The following SVOPL variants were observed in gnomAD, a reference collection of about 807,000 sequenced individuals.
SVOPL encodes putative transporter SVOPL.
SVOPL carries 60 observed loss-of-function variants against 61.0 expected under a neutral mutation model. The observed-to-expected ratio is 0.98, with a 90% CI of 0.80 to 1.22. The LOEUF (loss-of-function observed/expected upper bound fraction) is 1.22. Ranked by LOEUF, SVOPL falls within the 50% of genes most tolerant of loss-of-function variation. The probability of loss-of-function intolerance (pLI) is 0.00; values close to 1 mark genes in which losing one functional copy is unlikely to be tolerated. For synonymous variants in SVOPL, 279 were observed against 250.0 expected, an observed-to-expected ratio of 1.12 and a Z score of -1.09; for missense variants, 662 against 643.9, an observed-to-expected ratio of 1.03 and a Z score of -0.30.
chr7:138,604,262 T>A, intron 14 of SVOPL, among the ~76,000 whole-genome samples: 1 of 152,168 alleles, frequency 6.6e-6, no homozygotes, highest in East Asian at 1.9e-4. Flanking sequence ...CCATGCCTGG[T>A]CAACAGCCTT....
intron 14 of SVOPL, among the ~76,000 whole-genome samples, chr7:138,608,645 T>C (rs1798861025): frequency 6.6e-6 from 1 of 152,104 alleles, no homozygotes; most frequent in African/African-American, 2.4e-5. Flanking sequence ...ATGTACGATG[T>C]GGGCACTTCC....
Position 138,594,558 on chromosome 7 carries a change from T to A in SVOPL, c.*52A>T, listed in dbSNP as rs1798201938. ...AAGTTTTAAAAAAATGCACCGCAGT[T>A]CTGAAGATAGAATTCATTTTTCTCA... On this transcript the variant is annotated 3_prime_UTR_variant, in exon 16 of 16. Coordinates refer to ENST00000674285, the MANE Select transcript of SVOPL (RefSeq NM_001139456.2). 3.2e-6 allele frequency: 5 copies of A among 1,568,468 alleles called. No individual in the cohort carries two copies. Among genetic ancestry groups the A allele is most frequent in the Non-Finnish European group, 4.3e-6 (5 of 1,156,820 alleles).
At chr7:138,693,529 A>AAAAGAAAAAG (rs768042193) in intron 1 of SVOPL, among the ~76,000 whole-genome samples, 10 of 117,086 alleles carry the variant, frequency 8.5e-5, no homozygotes, top group African/African-American at 2.6e-4. Flanking sequence ...AAAAGAAAGA[A>AAAAGAAAAAG]AAAGAAAGAA....
At chr7:138,679,790 CT>C (rs1319768638) in intron 1 of SVOPL, among the ~76,000 whole-genome samples, 1 of 152,180 alleles carries the variant, frequency 6.6e-6, no homozygotes, top group Non-Finnish European at 1.5e-5. Flanking sequence ...TATTATTACT[CT>C]GTATGAGGGA....
rs887859321 is a variant in SVOPL, at chr7:138,648,663, G to A, written c.660+349C>T. ...GCGGAGCTTGCAGTGAGCCGAGGTC[G>A]CGCCACTGCACTCCAGCCTGGGGGA... On this transcript the variant is annotated intron_variant, in intron 8 of 15. Transcript: ENST00000674285. Among the ~76,000 whole-genome samples, 8 of 151,906 alleles carry A rather than the reference G, an allele frequency of 5.3e-5. No individual in the cohort carries two copies. The South Asian group carries it at 6.2e-4, about 12-fold the overall frequency.
chr7:138,601,157 T>C (rs1411492272), intron 14 of SVOPL, among the ~76,000 whole-genome samples: 2 of 146,476 alleles, frequency 1.4e-5, no homozygotes, highest in East Asian at 2.0e-4. Flanking sequence ...GAGGCTGAGG[T>C]AGGAGAATGG....
intron 1 of SVOPL, among the ~76,000 whole-genome samples, chr7:138,687,462 C>A (rs147444276): frequency 0.027 from 4,054 of 151,644 alleles, 101 homozygotes; most frequent in South Asian, 0.1. Flanking sequence ...TCTCAAACTC[C>A]TGACCTCAGG....
chr7:138,657,707 C>T (rs952922276), intron 6 of SVOPL, among the ~76,000 whole-genome samples: 4 of 152,164 alleles, frequency 2.6e-5, no homozygotes, highest in Non-Finnish European at 5.9e-5. Context: ...AGCTTCTACT[C>T]CTTTAGGGCT....
chr7:138,628,214 A>C lies in SVOPL; in HGVS notation c.1013T>G (p.Met338Arg). ...GGTCCGATAGTCAGAGGGTGCAAAC[A>C]TGTGGCAGTAGCAGGGGCTCTGGCT... is the stretch of plus-strand genomic sequence containing the variant. Reference protein sequence around the residue: ...GESQSPCYCHMFAPSDYRTMI... With the variant: ...GESQSPCYCHRFAPSDYRTMI... The change falls in exon 11 of 16, where the codon ATG becomes AGG. Residue 338 changes from methionine (M) to arginine (R), a missense_variant. Coordinates refer to ENST00000674285, the MANE Select transcript of SVOPL (RefSeq NM_001139456.2). 6.2e-7 allele frequency: 1 copy of C among 1,614,156 alleles called. No individual in the cohort carries two copies. The highest frequency in any genetic ancestry group is 8.5e-7 in the Non-Finnish European group (1 of 1,180,018).
chr7:138,663,349 G>A, intron 4 of SVOPL: 1 of 1,419,530 alleles, frequency 7.0e-7, no homozygotes, highest in Middle Eastern at 2.6e-4. Context: ...AGCCTAACAA[G>A]GCAGATCCTG....
chr7:138,636,470 A>ATTTTTTTTTTTTTTTTTTTTTTTTTTT (rs34209936), intron 9 of SVOPL, among the ~76,000 whole-genome samples: 1 of 142,904 alleles, frequency 7.0e-6, no homozygotes, highest in African/African-American at 2.6e-5. Context: ...CTCTCATAGG[A>ATTTTTTTTTTTTTTTTTTTTTTTTTTT]TTTTTCTTTT....
At chr7:138,686,332 G>T (rs988329583) in intron 1 of SVOPL, among the ~76,000 whole-genome samples, 13 of 151,590 alleles carry the variant, frequency 8.6e-5, no homozygotes, top group South Asian at 2.1e-4. Context: ...GAACCCCGGG[G>T]GGGGCGGAGG....
At chr7:138,663,930 T>A (rs1178541548) in intron 4 of SVOPL, among the ~76,000 whole-genome samples, 1 of 152,102 alleles carries the variant, frequency 6.6e-6, no homozygotes, top group Non-Finnish European at 1.5e-5. Flanking sequence ...CTTCCTTCAC[T>A]CTTTAGAGGG....
rs1409538393 is a variant in SVOPL, at chr7:138,672,058, T to C, written c.234A>G (p.Glu78=). 7 of 1,551,652 alleles carry C rather than the reference T, an allele frequency of 4.5e-6. No homozygotes were observed. The highest frequency in any genetic ancestry group is 6.1e-6 in the Non-Finnish European group (7 of 1,146,992). ...CCACCTGCCAATTCTCCAGTTGCCATTCACAGCGGATGACAGGAGACACAA... is the reference window on the plus strand; with the variant it reads ...CCACCTGCCAATTCTCCAGTTGCCACTCACAGCGGATGACAGGAGACACAA... ...IAVVSPVIRC[E]WQLENWQVAL... The change falls in exon 4 of 16, where the codon GAA becomes GAG. Residue 78 remains glutamate (E), a synonymous_variant. Transcript: ENST00000674285.
chr7:138,662,212 T>C, intron 5 of SVOPL: 3 of 985,506 alleles, frequency 3.0e-6, no homozygotes, highest in Non-Finnish European at 3.6e-6. Context: ...GCAGCAGGTT[T>C]GGCTTAATGG....
chr7:138,693,103 C>T (rs990006354), intron 1 of SVOPL, among the ~76,000 whole-genome samples: 31 of 152,120 alleles, frequency 2.0e-4, no homozygotes, highest in African/African-American at 7.2e-4. Flanking sequence ...ACCTAAATTA[C>T]TTTTCTTGTG....
intron 14 of SVOPL, among the ~76,000 whole-genome samples, chr7:138,620,549 C>T (rs1454884676): frequency 6.6e-6 from 1 of 151,818 alleles, no homozygotes; most frequent in Non-Finnish European, 1.5e-5. Flanking sequence ...TGTTGTTTCT[C>T]CTGAAACAAG....
intron 14 of SVOPL, among the ~76,000 whole-genome samples, chr7:138,607,957 G>A (rs921419659): frequency 1.3e-5 from 2 of 152,086 alleles, no homozygotes; most frequent in African/African-American, 4.8e-5. Context: ...TCTAAATATA[G>A]ATAACTACTT....
At chr7:138,656,727 T>C (rs561908853) in intron 6 of SVOPL, among the ~76,000 whole-genome samples, 1 of 152,262 alleles carries the variant, frequency 6.6e-6, no homozygotes, top group South Asian at 2.1e-4. Context: ...CTCCCAATAC[T>C]TTAAACCTTC....
Sources: allele counts gnomAD v4.1 joint callset (sites outside exome capture counted in the v4.1 genomes callset), GRCh38; gene constraint gnomAD v4.1.1; transcripts MANE v1.5; gene names NCBI Gene and HGNC (gene_info 2026-07-23, HGNC 2026-07-21).